Variants in PARP4 observed in about 807,000 individuals in gnomAD.
PARP4 encodes the protein poly(ADP-ribose) polymerase family member 4.
In PARP4, 120 loss-of-function variants were observed where a neutral mutation model predicts 187.7. The ratio of observed to expected loss-of-function variants is 0.64; its 90% CI spans 0.55 to 0.74. PARP4 has a LOEUF of 0.74. Among genes scored for constraint, PARP4 ranks in the 30% least tolerant of loss-of-function variants. The pLI, the probability that PARP4 is intolerant of heterozygous loss-of-function variation, is 0.00. For synonymous variants in PARP4, 654 were observed against 740.9 expected, an observed-to-expected ratio of 0.88 and a Z score of 1.90; for missense variants, 1,836 against 2,070.5, an observed-to-expected ratio of 0.89 and a Z score of 2.20.
intron 24 of PARP4, 161 bp downstream of exon 24, chr13:24,452,245 G>A: frequency 1.7e-6 from 1 of 599,426 alleles, no homozygotes; most frequent in South Asian, 2.6e-5. Context: ...CCCAGGTTCT[G>A]AGACTCAGGC....
At chr13:24,480,122 C>T (rs111436057) in intron 12 of PARP4, among the ~76,000 whole-genome samples, 10 of 152,328 alleles carry the variant, frequency 6.6e-5, no homozygotes, top group African/African-American at 2.2e-4. Context: ...TAACACTCAC[C>T]GCGAGGGTCC....
chr13:24,491,707 G>C (rs1868664000), intron 9 of PARP4, among the ~76,000 whole-genome samples: 1 of 152,176 alleles, frequency 6.6e-6, no homozygotes, highest in Non-Finnish European at 1.5e-5. Flanking sequence ...TGCTGTGGCT[G>C]CCTTCCTCTA....
Position 24,452,521 on chromosome 13 carries a change from G to A in PARP4, c.2899C>T (p.Arg967Ter), listed in dbSNP as rs201826952. 9.9e-6 allele frequency: 16 copies of A among 1,613,902 alleles called. No individual in the cohort carries two copies. Among genetic ancestry groups the A allele is most frequent in the East Asian group, 8.9e-5 (4 of 44,874 alleles). The change falls in exon 24 of 34, where the codon CGA becomes TGA. Residue 967 changes from arginine to a stop codon, truncating the protein, a stop_gained. Coordinates refer to ENST00000381989, the MANE Select transcript of PARP4 (RefSeq NM_006437.4). LOFTEE classifies it high-confidence loss of function. ...LRYLSLLYPARGSRNILLVSD... is the reference protein window; with the variant it reads ...LRYLSLLYPA ...ACCAGGAGGATGTTCCGTGACCCTC[G>A]AGCAGGGTACAATAAGCTAAGATAT...
chr13:24,497,427 A>T lies in PARP4; in HGVS notation c.591+689T>A, dbSNP rs568494225. Among the ~76,000 whole-genome samples the T allele has an allele frequency of 1.8e-3, 269 of 152,300 alleles. 2 individuals are homozygous for T. Among genetic ancestry groups the T allele is most frequent in the African/African-American group, 6.1e-3 (254 of 41,562 alleles). On this transcript the variant is annotated intron_variant, in intron 6 of 33. Transcript: ENST00000381989. ...GTACACAGCAGGTGCTTAATGAAGT[A>T]TATCAGTGGAATGCTTTCAGAGGTG... is the stretch of plus-strand genomic sequence containing the variant.
At chr13:24,484,561 T>C in intron 12 of PARP4, 92 bp downstream of exon 12, 1 of 814,664 alleles carries the variant, frequency 1.2e-6, no homozygotes, top group Admixed American at 1.8e-5. Context: ...TAAATCTGTG[T>C]TTTGGTTGAG....
chr13:24,434,308 C>A (rs536690117), intron 31 of PARP4, 87 bp downstream of exon 31: 2 of 1,261,444 alleles, frequency 1.6e-6, no homozygotes, highest in Non-Finnish European at 2.2e-6. Context: ...TGATGATAGA[C>A]GGTTCCTTGA....
chr13:24,459,332 T>C (rs3783078), intron 18 of PARP4, 22 bp from the exon 19 acceptor site: 160,549 of 1,504,618 alleles, frequency 0.11, 9,402 homozygotes, highest in African/African-American at 0.18. Flanking sequence ...AAAATACATT[T>C]GTATAACTAA....
At chr13:24,479,553 G>A (rs1477181650) in intron 12 of PARP4, among the ~76,000 whole-genome samples, 2 of 152,174 alleles carry the variant, frequency 1.3e-5, no homozygotes, top group South Asian at 2.1e-4. Context: ...TTGACACTCT[G>A]TATCTAGCTA....
chr13:24,459,646 G>A (rs1872095280), intron 18 of PARP4, among the ~76,000 whole-genome samples: 3 of 152,110 alleles, frequency 2.0e-5, no homozygotes, highest in Non-Finnish European at 4.4e-5. Flanking sequence ...TCTGGGCAAT[G>A]GGATAAAGGA....
intron 30 of PARP4, among the ~76,000 whole-genome samples, chr13:24,436,429 C>T (rs2033954): frequency 0.4 from 60,061 of 151,592 alleles, 12,084 homozygotes; most frequent in African/African-American, 0.46. Context: ...TCAGACTCCC[C>T]AGTAGCTGGG....
chr13:24,453,966 A>AT (rs764892529), intron 22 of PARP4, among the ~76,000 whole-genome samples: 8 of 152,046 alleles, frequency 5.3e-5, no homozygotes, highest in Non-Finnish European at 1.0e-4. Flanking sequence ...AAATACAAAA[A>AT]TTAGCTGGGT....
intron 6 of PARP4, 79 bp from the exon 7 acceptor site, chr13:24,494,801 T>C (rs1229915956): frequency 1.2e-6 from 1 of 852,584 alleles, no homozygotes; most frequent in African/African-American, 1.8e-5. Flanking sequence ...AAGCAGTAGG[T>C]CCTTGACATG....
chr13:24,432,206 T>C (rs868332550), intron 31 of PARP4, among the ~76,000 whole-genome samples: 80 of 152,348 alleles, frequency 5.3e-4, no homozygotes, highest in African/African-American at 1.9e-3. Context: ...CATGTCTTTG[T>C]GTCGGCAACA....
chr13:24,455,261 T>A, intron 21 of PARP4, 49 bp from the exon 22 acceptor site: 1 of 1,421,986 alleles, frequency 7.0e-7, no homozygotes. Flanking sequence ...TCACTTCAAC[T>A]GCAAAAGGTC....
chr13:24,447,445 C>A (rs1327166014), intron 25 of PARP4, among the ~76,000 whole-genome samples: 1 of 152,230 alleles, frequency 6.6e-6, no homozygotes, highest in East Asian at 1.9e-4. Context: ...ACTGCAACCT[C>A]CCCCTCCCAG....
Position 24,503,651 on chromosome 13 carries a change from A to C in PARP4, c.126T>G (p.Asn42Lys). ...ENGGKFSFSL[N>K]PQCTHIILDN... ...TTATGACACTTGGAAATACCTGAGG[A>C]TTTAACGAAAAGGAAAACTTTCCGC... The change falls in exon 2 of 34, where the codon AAT (asparagine) becomes AAG (lysine). Residue 42 changes from asparagine (N) to lysine (K), a missense_variant. By Grantham distance (94) the Asn-to-Lys change is moderately conservative. Transcript: ENST00000381989. 6.2e-7 allele frequency: 1 copy of C among 1,612,522 alleles called. No homozygotes were observed.
intron 13 of PARP4, 44 bp from the exon 14 acceptor site, chr13:24,477,901 C>CA (rs1324329791): frequency 1.4e-6 from 2 of 1,418,260 alleles, no homozygotes; most frequent in African/African-American, 1.4e-5. Context: ...ACAGAAGCAA[C>CA]AAAAAACCTG....
chr13:24,459,158 G>A (rs4986820), intron 19 of PARP4, 36 bp from the exon 20 acceptor site: 22 of 1,575,588 alleles, frequency 1.4e-5, no homozygotes, highest in African/African-American at 1.2e-4. Flanking sequence ...CTTAGTCTAC[G>A]ATCTTAAATT....
intron 32 of PARP4, among the ~76,000 whole-genome samples, chr13:24,427,910 T>A (rs1157925967): frequency 6.6e-6 from 1 of 152,060 alleles, no homozygotes; most frequent in East Asian, 1.9e-4. Context: ...ATATTAATAA[T>A]AAGCAACATA....
Sources: gnomAD v4.1 joint callset for allele counts (sites outside exome capture counted in the v4.1 genomes callset) on GRCh38, gnomAD v4.1.1 for gene constraint, MANE v1.5 for transcripts, NCBI Gene and HGNC (gene_info 2026-07-23, HGNC 2026-07-21) for gene names.